USO1: variants seen among roughly 807,000 people sequenced by gnomAD.
The protein encoded by USO1 is USO1 vesicle transport factor.
In USO1, 57 loss-of-function variants were observed where a neutral mutation model predicts 124.5. The observed-to-expected ratio is 0.46, with a 90% confidence interval of 0.37 to 0.57. The LOEUF (loss-of-function observed/expected upper bound fraction) is 0.57. Ranked by LOEUF, USO1 falls within the 20% of genes least tolerant of loss-of-function variation. The pLI, the probability that USO1 is intolerant of heterozygous loss-of-function variation, is 0.00. For missense variants in USO1, 900 were observed against 1,040.6 expected, an observed-to-expected ratio of 0.86 and a Z score of 1.86; for synonymous variants, 369 against 362.8, an observed-to-expected ratio of 1.02 and a Z score of -0.19.
chr4:75,726,421 G>T (rs1217576260), intron 1 of USO1, among the ~76,000 whole-genome samples: 2 of 151,932 alleles, frequency 1.3e-5, no homozygotes, highest in African/African-American at 4.8e-5. Flanking sequence ...TACTTTTTGG[G>T]AACTTTATAT....
At position 75,770,818 on chromosome 4, in the gene USO1, G is replaced by T; in HGVS notation, c.397-4G>T. The T allele has an allele frequency of 6.2e-7, 1 of 1,603,548 alleles. No individual in the cohort carries two copies. The highest frequency in any genetic ancestry group is 8.5e-7 in the Non-Finnish European group (1 of 1,177,396). On this transcript the variant is annotated splice_region_variant and splice_polypyrimidine_tract_variant and intron_variant, in intron 5 of 23. Coordinates refer to ENST00000514213, the MANE Select transcript of USO1 (RefSeq NM_003715.4). The stretch of plus-strand genomic sequence containing the variant: ...GTTAAATATTTTGAATTCTTACATT[G>T]CAGGAGTTTGATTTCCATGTCCGCT...
At chr4:75,772,027 TG>T (rs1395886737) in intron 7 of USO1, among the ~76,000 whole-genome samples, 1 of 152,176 alleles carries the variant, frequency 6.6e-6, no homozygotes, top group African/African-American at 2.4e-5. Context: ...GTATTGGCCG[TG>T]TGACTTTTTC....
intron 12 of USO1, among the ~76,000 whole-genome samples, chr4:75,792,663 C>T (rs1389902600): frequency 6.6e-6 from 1 of 152,068 alleles, no homozygotes; most frequent in Non-Finnish European, 1.5e-5. Context: ...CACCACTGCA[C>T]TCCAGTCTGG....
intron 18 of USO1, among the ~76,000 whole-genome samples, chr4:75,804,628 A>G (rs1052427599): frequency 6.6e-6 from 1 of 152,226 alleles, no homozygotes; most frequent in Non-Finnish European, 1.5e-5. Context: ...ATCAGTAACT[A>G]GTATAAGCCC....
In USO1 at chr4:75,814,187, A is replaced by G. The variant is rs1723228308; in HGVS notation, c.*892A>G. ...GCAATGTGTCAAAATTTAATGTTTC[A>G]TAATAAAAATAGATACGTTGACTTA... On this transcript the variant is annotated 3_prime_UTR_variant, in exon 24 of 24. Transcript: ENST00000514213. 1 of 152,248 alleles carries G rather than the reference A, an allele frequency of 6.6e-6. No homozygotes were observed. The highest frequency in any genetic ancestry group is 2.4e-5 in the African/African-American group (1 of 41,466). 9.4% of individuals were successfully genotyped at this position (152,248 alleles called of 1,614,324 possible).
intron 19 of USO1, 78 bp from the exon 20 acceptor site, chr4:75,806,408 T>C: frequency 6.7e-7 from 1 of 1,496,968 alleles, no homozygotes; most frequent in Non-Finnish European, 9.0e-7. Context: ...ATATAGTTTA[T>C]ATGTGTACAG....
intron 12 of USO1, 148 bp downstream of exon 12, chr4:75,790,945 G>A: frequency 9.0e-7 from 1 of 1,105,510 alleles, no homozygotes; most frequent in African/African-American, 1.6e-5. Context: ...GAATTCTAAG[G>A]CCTGCAGGTA....
chr4:75,774,887 A>T, intron 8 of USO1, 91 bp downstream of exon 8: 2 of 1,445,756 alleles, frequency 1.4e-6, no homozygotes, highest in Non-Finnish European at 1.8e-6. Flanking sequence ...AGAAATGGGG[A>T]CTCTTATTTA....
Position 75,810,875 on chromosome 4 carries a change from C to T in USO1, c.2583+336C>T, listed in dbSNP as rs796607098. Reference sequence around the variant, plus strand: ...CCTACTGAGTAGCTGGGACTACAGGCGTGCACCACCACACCCAGCTAATTT... The same window carrying T: ...CCTACTGAGTAGCTGGGACTACAGGTGTGCACCACCACACCCAGCTAATTT... On this transcript the variant is annotated intron_variant, in intron 22 of 23. Coordinates refer to ENST00000514213, the MANE Select transcript of USO1 (RefSeq NM_003715.4). Among the ~76,000 whole-genome samples, 16 of 152,156 alleles carry T rather than the reference C, an allele frequency of 1.1e-4. 1 individual carries two copies. The highest frequency in any genetic ancestry group is 2.6e-4 in the African/African-American group (11 of 41,514).
In USO1 at chr4:75,764,138, A is replaced by G. The variant is rs143101205; in HGVS notation, c.296-6301A>G. Among the ~76,000 whole-genome samples the G allele has an allele frequency of 4.3e-4, 65 of 152,312 alleles. No individual in the cohort carries two copies. The East Asian group carries it at 0.012, about 28-fold the overall frequency. ...TTCAAAATGTAAATTTTAATTCTAT[A>G]CTGATAAGCTACAGCATATTATACA... On this transcript the variant is annotated intron_variant, in intron 4 of 23. Transcript: ENST00000514213.
chr4:75,731,904 T>A (rs1348609950), intron 1 of USO1, among the ~76,000 whole-genome samples: 3 of 152,358 alleles, frequency 2.0e-5, no homozygotes, highest in Non-Finnish European at 2.9e-5. Flanking sequence ...TACACTAGTG[T>A]CCTTTAATTT....
intron 13 of USO1, among the ~76,000 whole-genome samples, chr4:75,797,823 G>A (rs1350921659): frequency 6.6e-6 from 1 of 151,926 alleles, no homozygotes; most frequent in East Asian, 1.9e-4. Context: ...TGTATTTTTA[G>A]TAGAGACAGT....
intron 9 of USO1, 71 bp from the exon 10 acceptor site, chr4:75,786,991 C>T (rs1041563298): frequency 6.9e-7 from 1 of 1,451,318 alleles, no homozygotes; most frequent in Non-Finnish European, 9.1e-7. Context: ...TTCTTGTTCA[C>T]ATAGATCAGA....
intron 1 of USO1, among the ~76,000 whole-genome samples, chr4:75,750,896 CTT>C (rs1186350774): frequency 1.0e-3 from 158 of 152,096 alleles, no homozygotes; most frequent in African/African-American, 3.7e-3. Context: ...TTTCCAAATT[CTT>C]TTTTAATGTA....
intron 4 of USO1, among the ~76,000 whole-genome samples, chr4:75,767,846 G>A (rs1721813219): frequency 6.6e-6 from 1 of 152,122 alleles, no homozygotes; most frequent in Admixed American, 6.6e-5. Context: ...TTTTGCATTT[G>A]CAAACCAATT....
At chr4:75,739,407 A>G (rs770075072) in intron 1 of USO1, among the ~76,000 whole-genome samples, 6 of 152,056 alleles carry the variant, frequency 3.9e-5, no homozygotes, top group African/African-American at 1.2e-4. Context: ...GATTCTCCCA[A>G]CATACACATC....
At chr4:75,808,367 G>A (rs977618912) in intron 20 of USO1, among the ~76,000 whole-genome samples, 2 of 152,138 alleles carry the variant, frequency 1.3e-5, no homozygotes, top group African/African-American at 4.8e-5. Context: ...AAGGAGGAAC[G>A]GTTGCCTGAT....
chr4:75,756,784 A>T (rs2149158427), intron 3 of USO1, among the ~76,000 whole-genome samples: 1 of 152,136 alleles, frequency 6.6e-6, no homozygotes, highest in East Asian at 1.9e-4. Flanking sequence ...AAGTGCTGGG[A>T]TTACAGGCGT....
chr4:75,788,576 C>G (rs1340952732), intron 10 of USO1, among the ~76,000 whole-genome samples: 3 of 139,216 alleles, frequency 2.2e-5, no homozygotes, highest in African/African-American at 8.0e-5. Context: ...GAGTTTCGCT[C>G]TTGTTGCCCA....
Sources: gnomAD v4.1 joint callset for allele counts (sites outside exome capture counted in the v4.1 genomes callset) on GRCh38, gnomAD v4.1.1 for gene constraint, MANE v1.5 for transcripts, NCBI Gene and HGNC (gene_info 2026-07-23, HGNC 2026-07-21) for gene names.